The following LAMB2 variants were observed in gnomAD, a reference collection of about 807,000 sequenced individuals.
The protein encoded by LAMB2 is laminin subunit beta-2.
A neutral mutation model predicts 202.7 loss-of-function variants in LAMB2; 119 were observed. The observed-to-expected ratio is 0.59, with a 90% confidence interval of 0.51 to 0.68. The LOEUF (loss-of-function observed/expected upper bound fraction) is 0.68. Among genes scored for constraint, LAMB2 ranks in the 30% least tolerant of loss-of-function variants. The pLI, the probability that LAMB2 is intolerant of heterozygous loss-of-function variation, is 0.00. For missense variants in LAMB2, 2,124 were observed against 2,410.6 expected, an observed-to-expected ratio of 0.88 and a Z score of 2.49; for synonymous variants, 818 against 902.2, an observed-to-expected ratio of 0.91 and a Z score of 1.67.
Position 49,129,155 on chromosome 3 carries a change from G to A in LAMB2, c.1599-3C>T, listed in dbSNP as rs1284137750. On this transcript the variant is annotated splice_polypyrimidine_tract_variant and splice_region_variant and intron_variant, in intron 12 of 31. Transcript: ENST00000305544. The surrounding 1 kb of genome is among the most constrained non-coding windows in gnomAD (Gnocchi z 6.1). ...ATTGACCTGTGCCCTCATCACACCT[G>A]GAGGGAACTCTGTGGTTACTCAAGA... 6.2e-7 allele frequency: 1 copy of A among 1,613,962 alleles called. No individual in the cohort carries two copies. Among genetic ancestry groups the A allele is most frequent in the Non-Finnish European group, 8.5e-7 (1 of 1,180,050 alleles).
rs2107638673 is a variant in LAMB2 at position 49,124,514 on chromosome 3, T to TG, written c.3207dup (p.Asn1070GlnfsTer6). The TG allele has an allele frequency of 6.2e-7, 1 of 1,613,682 alleles. No homozygotes were observed. The highest frequency in any genetic ancestry group is 8.5e-7 in the Non-Finnish European group (1 of 1,179,988). On this transcript the variant is annotated frameshift_variant, in exon 22 of 32. Transcript: ENST00000305544. LOFTEE classifies it high-confidence loss of function. ...CGGTCACAGCTAGGGCCCTGGACATTGGGGAGGCATGGGCACTGCCCACTG... is the reference window on the plus strand; with the variant it reads ...CGGTCACAGCTAGGGCCCTGGACATTGGGGGAGGCATGGGCACTGCCCACTG...
At position 49,130,007 on chromosome 3, in the gene LAMB2, C is replaced by A; in HGVS notation, c.1237G>T (p.Asp413Tyr). Residue 413 changes from aspartate (D) to tyrosine (Y), a missense_variant, in exon 10 of 32, where the codon GAC (aspartate) becomes TAC (tyrosine). By Grantham distance (160) the Asp-to-Tyr change is radical. This residue lies in a region of LAMB2 where 1,702 missense variants were observed against 1,896.3 expected (regional missense o/e 0.90). Coordinates refer to ENST00000305544, the MANE Select transcript of LAMB2 (RefSeq NM_002292.4). The surrounding 1 kb of genome is among the most constrained non-coding windows in gnomAD (Gnocchi z 5.0). Reference protein sequence around the residue: ...DPAVCRSCDCDPMGSQDGGRC... With the variant: ...DPAVCRSCDCYPMGSQDGGRC... Reference sequence around the variant, plus strand: ...CCACCGTCTTGAGAACCCATGGGGTCACAATCACAGGCTGACGGCAAAAAG... The same window carrying A: ...CCACCGTCTTGAGAACCCATGGGGTAACAATCACAGGCTGACGGCAAAAAG... 1 of 1,614,030 alleles carries A rather than the reference C, an allele frequency of 6.2e-7. No homozygotes were observed. The highest frequency in any genetic ancestry group is 1.1e-5 in the South Asian group (1 of 91,072).
chr3:49,121,579 G>A lies in LAMB2; in HGVS notation c.5114C>T (p.Pro1705Leu). The A allele has an allele frequency of 6.2e-7, 1 of 1,614,014 alleles. No homozygotes were observed. The highest frequency in any genetic ancestry group is 8.5e-7 in the Non-Finnish European group (1 of 1,180,046). The change falls in exon 31 of 32, where the codon CCT becomes CTT. Residue 1705 changes from proline to leucine, a missense_variant. Physicochemically the swap from Pro to Leu is moderately conservative, Grantham distance 98. Coordinates refer to ENST00000305544, the MANE Select transcript of LAMB2 (RefSeq NM_002292.4). ...AQEAEQLLRG[P>L]LGDQYQTVKA... is the part of the protein sequence containing the mutation. ...CACCGTCTGGTACTGATCACCCAGA[G>A]GACCGCGTAGCAGCTGCAGATGTAG...
At position 49,131,387 on chromosome 3, in the gene LAMB2, C is replaced by A. The variant is rs767154519; in HGVS notation, c.704G>T (p.Arg235Leu). 1.6e-5 allele frequency: 26 copies of A among 1,613,882 alleles called. No homozygotes were observed. Among genetic ancestry groups the A allele is most frequent in the Admixed American group, 5.0e-5 (3 of 59,996 alleles). ...AIPIPDPYSS[R>L]IQNLLKITNL... Reference sequence around the variant, plus strand: ...AAGGGTGGAGCACTCACTCTGAATCCGTGAGCTGTAGGGGTCTGGGATAGG... The same window carrying A: ...AAGGGTGGAGCACTCACTCTGAATCAGTGAGCTGTAGGGGTCTGGGATAGG... The change falls in exon 6 of 32, where the codon CGG becomes CTG. Residue 235 changes from arginine (R) to leucine (L), a missense_variant. Arg to Leu is a moderately radical substitution (Grantham distance 102, BLOSUM62 -2). Around this residue, in one of 3 missense-constraint regions of LAMB2, gnomAD observed 256 missense variants for 356.1 expected, o/e 0.72. Transcript: ENST00000305544. This position sits in a 1 kb window ranked among gnomAD's most constrained non-coding sequence, Gnocchi z 5.0.
intron 26 of LAMB2, 29 bp downstream of exon 26, chr3:49,123,103 A>G: frequency 6.2e-7 from 1 of 1,607,786 alleles, no homozygotes; most frequent in African/African-American, 1.3e-5. Flanking sequence ...ATCTACACCC[A>G]CCTGCCCCAC....
rs1471365339 is a variant in LAMB2, at chr3:49,129,639, G to T, written c.1483C>A (p.Arg495Ser). ...TCACATCCACGTCCAGTCACTAGAC[G>T]TTTGCAGTAACAGGATCCACTGTTG... ...DPNSGSCYCK[R>S]LVTGRGCDRC... Residue 495 changes from arginine (R) to serine (S), a missense_variant, in exon 11 of 32, where the codon CGT becomes AGT. This residue lies in a region of LAMB2 where 1,702 missense variants were observed against 1,896.3 expected (regional missense o/e 0.90). Transcript: ENST00000305544. The surrounding 1 kb of genome is among the most constrained non-coding windows in gnomAD (Gnocchi z 6.1). 2 of 1,614,110 alleles carry T rather than the reference G, an allele frequency of 1.2e-6. No individual in the cohort carries two copies. Among genetic ancestry groups the T allele is most frequent in the South Asian group, 1.1e-5 (1 of 91,088 alleles).
intron 13 of LAMB2, 95 bp from the exon 14 acceptor site, chr3:49,128,914 G>T: frequency 1.3e-6 from 2 of 1,597,302 alleles, no homozygotes; most frequent in South Asian, 2.2e-5. Flanking sequence ...GCCAAAGCTA[G>T]ATATCACCCC....
At position 49,130,662 on chromosome 3, in the gene LAMB2, C is replaced by G; in HGVS notation, c.1036+78G>C. The G allele has an allele frequency of 6.2e-7, 1 of 1,603,258 alleles. No individual in the cohort carries two copies. Among genetic ancestry groups the G allele is most frequent in the East Asian group, 2.2e-5 (1 of 44,868 alleles). ...TACAGCCTGGGTTTTAGGGGCTTGACCAACTAGCTCTAGGTTCTACCCAGG... is the reference window on the plus strand; with the variant it reads ...TACAGCCTGGGTTTTAGGGGCTTGAGCAACTAGCTCTAGGTTCTACCCAGG... On this transcript the variant is annotated intron_variant, in intron 8 of 31. Coordinates refer to ENST00000305544, the MANE Select transcript of LAMB2 (RefSeq NM_002292.4). This position sits in a 1 kb window ranked among gnomAD's most constrained non-coding sequence, Gnocchi z 5.0.
chr3:49,128,018 C>CAAAAAAAAAA (rs1156873652), intron 15 of LAMB2, among the ~76,000 whole-genome samples: 85 of 31,714 alleles, frequency 2.7e-3, no homozygotes, highest in Non-Finnish European at 3.6e-3. Context: ...GACTCCGTCT[C>CAAAAAAAAAA]AAAAAAAAAA....
chr3:49,126,534 AG>A (rs776677575), intron 15 of LAMB2, 37 bp from the exon 16 acceptor site: 18 of 1,613,128 alleles, frequency 1.1e-5, no homozygotes, highest in Non-Finnish European at 2.5e-6. Flanking sequence ...TGGGTCATCT[AG>A]GGGCCCTGTA....
intron 27 of LAMB2, 166 bp downstream of exon 27, chr3:49,122,538 C>G (rs1460217995): frequency 1.1e-6 from 1 of 923,652 alleles, no homozygotes; most frequent in Admixed American, 1.9e-5. Flanking sequence ...GACTCAAGAA[C>G]ATGGACCTGG....
chr3:49,122,127 A>G, intron 28 of LAMB2, 36 bp downstream of exon 28: 1 of 1,613,490 alleles, frequency 6.2e-7, no homozygotes, highest in Non-Finnish European at 8.5e-7. Flanking sequence ...TATCAAAACC[A>G]GGTGTCAGGG....
Position 49,121,169 on chromosome 3 carries a change from A to G in LAMB2, c.*57T>C. On this transcript the variant is annotated 3_prime_UTR_variant, in exon 32 of 32. Transcript: ENST00000305544. ...TGCCGGGCCAAGAGCTCTTCAGTGC[A>G]TAGGCAGACATGCATGTGGGGCAGT... The G allele has an allele frequency of 1.2e-6, 2 of 1,604,846 alleles. No homozygotes were observed. Among genetic ancestry groups the G allele is most frequent in the Non-Finnish European group, 1.7e-6 (2 of 1,174,540 alleles).
rs372740647 is a variant in LAMB2 at position 49,124,969 on chromosome 3, A to G, written c.2884+37T>C. ...AAGCTGTGAGTGCTCAGCCCAGCCA[A>G]CTCACCCTGATCCCACGCCTGCCCC... On this transcript the variant is annotated intron_variant, in intron 20 of 31. Coordinates refer to ENST00000305544, the MANE Select transcript of LAMB2 (RefSeq NM_002292.4). 43 of 1,613,674 alleles carry G rather than the reference A, an allele frequency of 2.7e-5. No homozygotes were observed. In the African/African-American group the frequency reaches 3.9e-4, roughly 15 times the overall value.
chr3:49,132,456 C>T lies in LAMB2; in HGVS notation c.249+35G>A, dbSNP rs1490596605. ...GTGCCTCAGGCAGTGCCAGCCCCAC[C>T]CTGACTCGGCGTCACACCCTGTCCC... On this transcript the variant is annotated intron_variant, in intron 2 of 31. Coordinates refer to ENST00000305544, the MANE Select transcript of LAMB2 (RefSeq NM_002292.4). This position sits in a 1 kb window ranked among gnomAD's most constrained non-coding sequence, Gnocchi z 4.6. 1.2e-6 allele frequency: 2 copies of T among 1,614,064 alleles called. No homozygotes were observed. Among genetic ancestry groups the T allele is most frequent in the Non-Finnish European group, 8.5e-7 (1 of 1,180,028 alleles).
chr3:49,121,390 G>A, intron 31 of LAMB2, 28 bp from the exon 32 acceptor site: 1 of 1,614,082 alleles, frequency 6.2e-7, no homozygotes, highest in Non-Finnish European at 8.5e-7. Context: ...CAGTTTAGGG[G>A]GGGTTTCCCG....
At position 49,123,319 on chromosome 3, in the gene LAMB2, C is replaced by T. The variant is rs149144377; in HGVS notation, c.4037G>A (p.Arg1346His). The T allele has an allele frequency of 2.8e-5, 45 of 1,614,102 alleles. No homozygotes were observed. The highest frequency in any genetic ancestry group is 5.5e-5 in the South Asian group (5 of 91,086). Residue 1346 changes from arginine (R) to histidine (H), a missense_variant, in exon 26 of 32, where the codon CGT (arginine) becomes CAT (histidine). By Grantham distance (29) the Arg-to-His change is conservative. This residue lies in a region of LAMB2 where 1,702 missense variants were observed against 1,896.3 expected (regional missense o/e 0.90). Coordinates refer to ENST00000305544, the MANE Select transcript of LAMB2 (RefSeq NM_002292.4). ...AHSQSAEAER[R>H]ANTSALAVPS... ...TACTGCCAGGGCTGAGGTATTGGCACGACGTTCTGCCTCTGCAGACTGGCT... is the reference window on the plus strand; with the variant it reads ...TACTGCCAGGGCTGAGGTATTGGCATGACGTTCTGCCTCTGCAGACTGGCT...
rs2045393544 is a variant in LAMB2 at position 49,124,864 on chromosome 3, C to T, written c.2946G>A (p.Arg982=). The change falls in exon 21 of 32, where the codon CGG becomes CGA. Residue 982 remains arginine, a synonymous_variant. Transcript: ENST00000305544. ...TCCCACTGCACTCACACAGTTGGCACCGGCCACCTGGCCTTGATGGGTCCC... is the reference window on the plus strand; with the variant it reads ...TCCCACTGCACTCACACAGTTGGCATCGGCCACCTGGCCTTGATGGGTCCC... ...HFGDPSRPGG[R]CQLCECSGNI... The T allele has an allele frequency of 6.2e-7, 1 of 1,613,996 alleles. No homozygotes were observed. The highest frequency in any genetic ancestry group is 1.3e-5 in the African/African-American group (1 of 74,916).
intron 18 of LAMB2, 125 bp downstream of exon 18, chr3:49,125,622 C>T: frequency 7.0e-7 from 1 of 1,437,944 alleles, no homozygotes; most frequent in Non-Finnish European, 9.5e-7. Context: ...TACAACTGAC[C>T]CAGGTTGAGA....
Sources: allele counts gnomAD v4.1 joint callset (sites outside exome capture counted in the v4.1 genomes callset), GRCh38; gene constraint gnomAD v4.1.1; regional missense constraint gnomAD v4.1.1; non-coding constraint Gnocchi (gnomAD v3.1); transcripts MANE v1.5; gene names NCBI Gene and HGNC (gene_info 2026-07-23, HGNC 2026-07-21).